ELF1: variants seen among roughly 807,000 people sequenced by gnomAD.
ELF1 encodes ETS-related transcription factor Elf-1.
Under a neutral mutation model 59.9 loss-of-function variants are expected in ELF1, and 24 were observed. That is an observed-to-expected ratio of 0.40 (90% confidence interval 0.29 to 0.56). ELF1 has a LOEUF of 0.56. ELF1 is among the 20% of genes least tolerant of loss of function. The pLI is 0.44. For missense variants in ELF1, 627 were observed against 742.2 expected (o/e 0.84, Z 1.80); for synonymous variants, 248 against 266.2 (o/e 0.93, Z 0.67).
At position 40,932,999 on chromosome 13, in the gene ELF1, T is replaced by G; in HGVS notation, c.*426A>C. On this transcript the variant is annotated 3_prime_UTR_variant, in exon 9 of 9. Coordinates refer to ENST00000239882, the MANE Select transcript of ELF1 (RefSeq NM_172373.4). ...TAATTTTAACAAAGCATAAAATAGGTTTTTTGCATTTGAAAGAGTCAAGAC... is the reference window on the plus strand; with the variant it reads ...TAATTTTAACAAAGCATAAAATAGGGTTTTTGCATTTGAAAGAGTCAAGAC... 6.1e-6 allele frequency: 1 copy of G among 164,680 alleles called. No homozygotes were observed. Among genetic ancestry groups the G allele is most frequent in the Non-Finnish European group, 1.3e-5 (1 of 76,030 alleles). The allele number at this position is 164,680 out of a possible 1,614,324, so 10.2% of individuals were successfully genotyped here.
At position 41,059,512 on chromosome 13, in the gene ELF1, C is replaced by T. The variant is rs545014459; in HGVS notation, c.-229+1326G>A. 8.5e-5 allele frequency among the ~76,000 whole-genome samples: 13 copies of T among 152,314 alleles called. No homozygotes were observed. In the South Asian group the frequency reaches 2.5e-3, roughly 29 times the overall value. Reference sequence around the variant, plus strand: ...TAACAAATTTACTGTGCAGTTAAAGCTACAAAATAGTCTGGGAACACACAT... The same window carrying T: ...TAACAAATTTACTGTGCAGTTAAAGTTACAAAATAGTCTGGGAACACACAT... On this transcript the variant is annotated intron_variant, in intron 1 of 1. Transcript: ENST00000405737.
chr13:40,968,775 A>G (rs567242662), intron 2 of ELF1, among the ~76,000 whole-genome samples: 129 of 149,720 alleles, frequency 8.6e-4, no homozygotes, highest in Non-Finnish European at 1.6e-3. Flanking sequence ...GCTGTAGTAC[A>G]GTGGCACAAT....
chr13:40,950,238 G>A (rs545939120), intron 4 of ELF1, among the ~76,000 whole-genome samples: 74 of 152,246 alleles, frequency 4.9e-4, no homozygotes, highest in Non-Finnish European at 7.9e-4. Context: ...ATTGCTGTGA[G>A]AGTTATTTTC....
intron 1 of ELF1, chr13:40,982,872 T>C (rs1237267469): frequency 3.0e-6 from 3 of 985,162 alleles, no homozygotes; most frequent in Non-Finnish European, 3.6e-6. Flanking sequence ...CTTAAGCCTG[T>C]CTTCAGTGGC....
rs201784200 is a variant in ELF1 at position 40,940,929 on chromosome 13, C to G, written c.1248G>C (p.Gln416His). ...MQDETLNSSVQSIRTIQAPTQ... is the reference protein window; with the variant it reads ...MQDETLNSSVHSIRTIQAPTQ... ...TAGTTTGGTTTTCTCACCTAATACTCTGAACGGAAGAATTTAATGTTTCAT... is the reference window on the plus strand; with the variant it reads ...TAGTTTGGTTTTCTCACCTAATACTGTGAACGGAAGAATTTAATGTTTCAT... The change falls in exon 8 of 9, where the codon CAG becomes CAC. Residue 416 changes from glutamine (Q) to histidine (H), a missense_variant. By Grantham distance (24) the Gln-to-His change is conservative. This residue lies in a region of ELF1 where 361 missense variants were observed against 396.1 expected (regional missense o/e 0.91). Transcript: ENST00000239882. 1 of 1,611,554 alleles carries G rather than the reference C, an allele frequency of 6.2e-7. No homozygotes were observed. The highest frequency in any genetic ancestry group is 1.1e-5 in the South Asian group (1 of 90,788).
intron 5 of ELF1, among the ~76,000 whole-genome samples, chr13:40,947,353 C>T (rs1238615122): frequency 6.6e-6 from 1 of 152,126 alleles, no homozygotes; most frequent in Non-Finnish European, 1.5e-5. Flanking sequence ...ACCAGCCTGG[C>T]CAACATGGTG....
At chr13:40,951,581 T>G in intron 3 of ELF1, 145 bp from the exon 4 acceptor site, 2 of 499,732 alleles carry the variant, frequency 4.0e-6, no homozygotes, top group Non-Finnish European at 6.5e-6. Context: ...CACAAAATCA[T>G]ACCAAACCTG....
intron 1 of ELF1, among the ~76,000 whole-genome samples, chr13:41,055,435 C>G (rs888856540): frequency 1.3e-5 from 2 of 151,500 alleles, no homozygotes; most frequent in African/African-American, 4.9e-5. Flanking sequence ...CAAAGCTTAT[C>G]TCGAATGCTG....
At position 40,933,457 on chromosome 13, in the gene ELF1, G is replaced by C; in HGVS notation, c.1828C>G (p.Gln610Glu). The C allele has an allele frequency of 6.2e-7, 1 of 1,613,962 alleles. No individual in the cohort carries two copies. Among genetic ancestry groups the C allele is most frequent in the Non-Finnish European group, 8.5e-7 (1 of 1,179,932 alleles). Residue 610 changes from glutamine to glutamate, a missense_variant, in exon 9 of 9, where the codon CAA (glutamine) becomes GAA (glutamate). By Grantham distance (29) the Gln-to-Glu change is conservative. Coordinates refer to ENST00000239882, the MANE Select transcript of ELF1 (RefSeq NM_172373.4). ...NGFTSQVAMK[Q>E]NELLEPNSF Reference sequence around the variant, plus strand: ...GAGTTGGGTTCCAGCAGTTCGTTTTGTTTCATAGCTACCTGAGAAGTAAAT... The same window carrying C: ...GAGTTGGGTTCCAGCAGTTCGTTTTCTTTCATAGCTACCTGAGAAGTAAAT...
chr13:41,006,803 G>A (rs79739393), intron 1 of ELF1, among the ~76,000 whole-genome samples: 1,736 of 152,024 alleles, frequency 0.011, 42 homozygotes, highest in African/African-American at 0.039. Flanking sequence ...ACATTAATTC[G>A]AATTAATTAT....
chr13:40,935,648 C>T (rs1015781970), intron 8 of ELF1, among the ~76,000 whole-genome samples: 2 of 151,206 alleles, frequency 1.3e-5, no homozygotes, highest in Non-Finnish European at 1.5e-5. Context: ...AGCCTGGGTA[C>T]AGTACCTGAC....
chr13:40,978,822 T>C (rs1873078952), intron 2 of ELF1, among the ~76,000 whole-genome samples: 1 of 150,886 alleles, frequency 6.6e-6, no homozygotes, highest in Non-Finnish European at 1.5e-5. Flanking sequence ...CTGTTGATAA[T>C]GGTTTGGGAA....
chr13:41,006,051 C>T (rs1297404025), intron 1 of ELF1, among the ~76,000 whole-genome samples: 1 of 152,172 alleles, frequency 6.6e-6, no homozygotes, highest in African/African-American at 2.4e-5. Flanking sequence ...CCATCTTCAG[C>T]TTCCTGTGAC....
intron 1 of ELF1, among the ~76,000 whole-genome samples, chr13:41,026,117 A>G (rs1217418633): frequency 6.6e-6 from 1 of 152,204 alleles, no homozygotes; most frequent in African/African-American, 2.4e-5. Flanking sequence ...ATGAGCAACG[A>G]GTAGCAACTA....
chr13:41,028,286 T>C (rs186380701), intron 1 of ELF1, among the ~76,000 whole-genome samples: 132 of 152,318 alleles, frequency 8.7e-4, no homozygotes, highest in African/African-American at 3.0e-3. Flanking sequence ...TAACTCACAG[T>C]GCAGATAAAG....
At chr13:40,951,967 A>G (rs973930786) in intron 3 of ELF1, among the ~76,000 whole-genome samples, 2 of 152,212 alleles carry the variant, frequency 1.3e-5, no homozygotes, top group South Asian at 2.1e-4. Context: ...AAAAATCATA[A>G]ATGGTGGCAG....
intron 1 of ELF1, among the ~76,000 whole-genome samples, chr13:41,005,239 G>T (rs1356583298): frequency 6.6e-6 from 1 of 151,992 alleles, no homozygotes; most frequent in Non-Finnish European, 1.5e-5. Context: ...GATTCAATAT[G>T]CACGCAAAGA....
chr13:40,988,324 C>T (rs1453924221), intron 1 of ELF1, among the ~76,000 whole-genome samples: 2 of 152,326 alleles, frequency 1.3e-5, no homozygotes, highest in East Asian at 3.9e-4. Context: ...CAAGGACACA[C>T]AGCCAGTTAG....
At chr13:41,060,963 C>A in exon 1 of ELF1, 2 of 330,654 alleles carry the variant, frequency 6.0e-6, no homozygotes, top group African/African-American at 2.4e-5. Context: ...TGCCCACACG[C>A]TCCCGAGCTA....
Sources: gnomAD v4.1 joint callset for allele counts (sites outside exome capture counted in the v4.1 genomes callset) on GRCh38, gnomAD v4.1.1 for gene constraint, gnomAD v4.1.1 regional missense constraint, MANE v1.5 for transcripts, NCBI Gene and HGNC (gene_info 2026-07-23, HGNC 2026-07-21) for gene names.